SPOCK1: variants seen among roughly 807,000 people sequenced by gnomAD.
The protein encoded by SPOCK1 is testican-1.
Under a neutral mutation model 55.3 loss-of-function variants are expected in SPOCK1, and 23 were observed. The observed-to-expected ratio is 0.42, with a 90% CI of 0.30 to 0.59. The LOEUF is 0.59. Ranked by LOEUF, SPOCK1 falls within the 20% of genes least tolerant of loss-of-function variation. SPOCK1 has a pLI of 0.22. For synonymous variants in SPOCK1, 226 were observed against 221.0 expected, an observed-to-expected ratio of 1.02 and a Z score of -0.20; for missense variants, 499 against 552.5, an observed-to-expected ratio of 0.90 and a Z score of 0.97.
intron 2 of SPOCK1, among the ~76,000 whole-genome samples, chr5:137,279,784 G>T (rs1170062567): frequency 6.6e-6 from 1 of 152,168 alleles, no homozygotes; most frequent in East Asian, 1.9e-4. Flanking sequence ...CCACCCAAGG[G>T]ACAAGAAGCA....
intron 4 of SPOCK1, among the ~76,000 whole-genome samples, chr5:137,121,631 T>C (rs1408771044): frequency 6.8e-6 from 1 of 147,098 alleles, no homozygotes; most frequent in Non-Finnish European, 1.5e-5. Context: ...CATTATTCTT[T>C]ATTACATATA....
At chr5:137,261,440 A>T (rs1756740954) in intron 3 of SPOCK1, among the ~76,000 whole-genome samples, 1 of 152,216 alleles carries the variant, frequency 6.6e-6, no homozygotes, top group Admixed American at 6.5e-5. Flanking sequence ...TTTTGCCTCA[A>T]AATAGTTCAG....
chr5:137,212,285 G>A (rs1755632278), intron 3 of SPOCK1, among the ~76,000 whole-genome samples: 1 of 152,112 alleles, frequency 6.6e-6, no homozygotes, highest in Non-Finnish European at 1.5e-5. Flanking sequence ...TGTATTGAGT[G>A]TGTTGAGTGT....
intron 2 of SPOCK1, among the ~76,000 whole-genome samples, chr5:137,451,018 C>G (rs1189029503): frequency 1.3e-5 from 2 of 152,140 alleles, no homozygotes; most frequent in Admixed American, 6.6e-5. Context: ...CTCAAAGCTC[C>G]TCAGTCTCTC....
At chr5:137,400,906 A>G (rs1751959911) in intron 2 of SPOCK1, among the ~76,000 whole-genome samples, 2 of 152,224 alleles carry the variant, frequency 1.3e-5, no homozygotes, top group Non-Finnish European at 1.5e-5. Flanking sequence ...CCCAGAGGGC[A>G]GCTCTTCCAC....
intron 4 of SPOCK1, among the ~76,000 whole-genome samples, chr5:137,123,867 G>A (rs1222878305): frequency 2.0e-5 from 3 of 152,162 alleles, no homozygotes; most frequent in Non-Finnish European, 4.4e-5. Flanking sequence ...ACTTCCATGA[G>A]ATAGATCCAC....
chr5:137,155,012 C>T (rs1431953497), intron 3 of SPOCK1, among the ~76,000 whole-genome samples: 1 of 152,174 alleles, frequency 6.6e-6, no homozygotes. Flanking sequence ...AGTTACATAG[C>T]TTCTCTGAGC....
At chr5:137,095,569 G>A (rs1037940944) in intron 5 of SPOCK1, among the ~76,000 whole-genome samples, 10 of 152,184 alleles carry the variant, frequency 6.6e-5, no homozygotes, top group Admixed American at 2.0e-4. Context: ...CAAGGTGGCT[G>A]TGAGGACCAG....
At chr5:137,303,006 A>G (rs1406964702) in intron 2 of SPOCK1, among the ~76,000 whole-genome samples, 1 of 152,202 alleles carries the variant, frequency 6.6e-6, no homozygotes, top group African/African-American at 2.4e-5. Flanking sequence ...TATCATTTCC[A>G]TCTTACAAAA....
chr5:136,975,624 G>A lies in SPOCK1; in HGVS notation c.*3030C>T, dbSNP rs1750597400. On this transcript the variant is annotated 3_prime_UTR_variant, in exon 11 of 11. Coordinates refer to ENST00000394945, the MANE Select transcript of SPOCK1 (RefSeq NM_004598.4). ...GGATGTTACTGTACAGCGTGGTCAAGGTAACAAGAAGAAAAAAATGTGAGT... is the reference window on the plus strand; with the variant it reads ...GGATGTTACTGTACAGCGTGGTCAAAGTAACAAGAAGAAAAAAATGTGAGT... 1 of 152,148 alleles carries A rather than the reference G, an allele frequency of 6.6e-6. No individual in the cohort carries two copies. Among genetic ancestry groups the A allele is most frequent in the South Asian group, 2.1e-4 (1 of 4,836 alleles). 9.4% of individuals were successfully genotyped at this position (152,148 alleles called of 1,614,324 possible). A position where few individuals can be genotyped will look rare whatever the true frequency, so the allele number is the denominator to read the frequency against.
At chr5:137,077,917 C>T (rs371112430) in intron 5 of SPOCK1, among the ~76,000 whole-genome samples, 21 of 152,168 alleles carry the variant, frequency 1.4e-4, no homozygotes, top group African/African-American at 4.8e-4. Context: ...TTCCCAGAAA[C>T]TCTAGGAAGT....
chr5:137,479,825 G>A (rs771917439), intron 2 of SPOCK1, among the ~76,000 whole-genome samples: 4 of 152,154 alleles, frequency 2.6e-5, no homozygotes, highest in Non-Finnish European at 5.9e-5. Context: ...AATTTAACCC[G>A]TCCTAACTGA....
intron 2 of SPOCK1, among the ~76,000 whole-genome samples, chr5:137,296,579 C>T (rs140776743): frequency 8.5e-5 from 13 of 152,246 alleles, no homozygotes; most frequent in African/African-American, 2.9e-4. Context: ...CCCAGTGAAT[C>T]AGGGGATGAA....
At chr5:137,313,000 A>C (rs1386440636) in intron 2 of SPOCK1, among the ~76,000 whole-genome samples, 1 of 152,126 alleles carries the variant, frequency 6.6e-6, no homozygotes, top group Non-Finnish European at 1.5e-5. Context: ...ATGAATCCCA[A>C]CCAGGAGTAT....
At chr5:137,160,558 TATATATTATATATTATATAATATATATAA>T in intron 3 of SPOCK1, among the ~76,000 whole-genome samples, 1 of 57,290 alleles carries the variant, frequency 1.7e-5, no homozygotes, top group Admixed American at 2.8e-4. Context: ...TAATATATAT[TATATATTATATATTATATAATATATATAA>T]TATATAATAT....
intron 3 of SPOCK1, among the ~76,000 whole-genome samples, chr5:137,160,579 TATATATA>T (rs1561631685): frequency 0.015 from 874 of 59,734 alleles, 12 homozygotes; most frequent in East Asian, 0.049. Context: ...TATTATATAA[TATATATA>T]ATATATAATA....
At chr5:137,002,933 G>T (rs1326644374) in intron 6 of SPOCK1, among the ~76,000 whole-genome samples, 1 of 152,184 alleles carries the variant, frequency 6.6e-6, no homozygotes, top group East Asian at 1.9e-4. Flanking sequence ...GCCAACAGCA[G>T]TCAGTGAAGG....
chr5:137,315,740 G>A (rs1332076050), intron 2 of SPOCK1, among the ~76,000 whole-genome samples: 2 of 152,178 alleles, frequency 1.3e-5, no homozygotes, highest in Middle Eastern at 3.2e-3. Flanking sequence ...CACTAGCAAG[G>A]CAGGCAGGCT....
chr5:137,350,204 C>T (rs543058756), intron 2 of SPOCK1, among the ~76,000 whole-genome samples: 1 of 152,100 alleles, frequency 6.6e-6, no homozygotes. Flanking sequence ...GTGCTATGGA[C>T]AGAAGGAGAG....
Sources: allele counts gnomAD v4.1 joint callset (sites outside exome capture counted in the v4.1 genomes callset), GRCh38; gene constraint gnomAD v4.1.1; transcripts MANE v1.5; gene names NCBI Gene and HGNC (gene_info 2026-07-23, HGNC 2026-07-21).